SPMIP2: variants seen among roughly 807,000 people sequenced by gnomAD.
The protein encoded by SPMIP2 is sperm microtubule inner protein 2, also known as protein SPMIP2.
At chr4:158,938,438 CT>C in the SPMIP2 span, among the ~76,000 whole-genome samples, 1 of 152,126 alleles carries the variant, frequency 6.6e-6, no homozygotes, top group Non-Finnish European at 1.5e-5. Context: ...TGATTTATTG[CT>C]TTGATTTCAT....
chr4:158,899,663 G>A, the SPMIP2 span, among the ~76,000 whole-genome samples: 1 of 152,162 alleles, frequency 6.6e-6, no homozygotes, highest in African/African-American at 2.4e-5. Flanking sequence ...ATTCTCTGAT[G>A]TTAGTTTGTA....
chr4:159,070,520 G>A, the SPMIP2 span, among the ~76,000 whole-genome samples: 13 of 152,238 alleles, frequency 8.5e-5, no homozygotes, highest in Admixed American at 6.5e-4. Flanking sequence ...AAGTTTTAAT[G>A]CCAGATGATG....
chr4:159,072,070 T>C, the SPMIP2 span, among the ~76,000 whole-genome samples: 2 of 152,232 alleles, frequency 1.3e-5, no homozygotes, highest in African/African-American at 4.8e-5. Context: ...CCCAGCACTT[T>C]GGTAGGCCAA....
chr4:159,060,219 T>C, the SPMIP2 span, among the ~76,000 whole-genome samples: 23 of 152,154 alleles, frequency 1.5e-4, no homozygotes, highest in Non-Finnish European at 3.1e-4. Context: ...ATTGGAACTT[T>C]AGTGAGGAGT....
chr4:158,929,351 A>G, the SPMIP2 span, among the ~76,000 whole-genome samples: 13 of 152,314 alleles, frequency 8.5e-5, no homozygotes, highest in African/African-American at 3.1e-4. Context: ...TGTTTAGTCC[A>G]TTTACATTTA....
At chr4:159,080,833 C>T in the SPMIP2 span, among the ~76,000 whole-genome samples, 1 of 151,944 alleles carries the variant, frequency 6.6e-6, no homozygotes, top group Non-Finnish European at 1.5e-5. Context: ...ACGCCGTTCT[C>T]CTGCCTCAGC....
chr4:158,909,519 G>A, the SPMIP2 span: 7 of 151,366 alleles, frequency 4.6e-5, no homozygotes, highest in African/African-American at 1.5e-4. Flanking sequence ...TCTGTCAGAC[G>A]CTTTCTGTAT....
chr4:158,893,677 C>T, the SPMIP2 span: 4 of 1,583,866 alleles, frequency 2.5e-6, no homozygotes, highest in Non-Finnish European at 3.4e-6. Context: ...CTTCTAAAAG[C>T]AGGTTGAGTT....
the SPMIP2 span, among the ~76,000 whole-genome samples, chr4:159,058,754 A>G: frequency 2.0e-5 from 3 of 152,232 alleles, no homozygotes; most frequent in African/African-American, 4.8e-5. Context: ...ATTTAAAAGC[A>G]TAATTATAAT....
chr4:158,995,855 CAAAAAA>C, the SPMIP2 span, among the ~76,000 whole-genome samples: 5 of 70,750 alleles, frequency 7.1e-5, no homozygotes, highest in East Asian at 4.4e-4. Flanking sequence ...GACTCCATCT[CAAAAAA>C]AAAAAAAAAA....
At chr4:159,052,687 GC>G in the SPMIP2 span, among the ~76,000 whole-genome samples, 1 of 151,162 alleles carries the variant, frequency 6.6e-6, no homozygotes, top group African/African-American at 2.4e-5. Context: ...AGGCTGGAGT[GC>G]AATGGTGCGA....
chr4:159,054,337 C>T, the SPMIP2 span, among the ~76,000 whole-genome samples: 2 of 152,106 alleles, frequency 1.3e-5, no homozygotes, highest in Non-Finnish European at 2.9e-5. Flanking sequence ...ATTATTCCAG[C>T]TCAAGTCTTT....
chr4:159,015,925 C>G, the SPMIP2 span, among the ~76,000 whole-genome samples: 2 of 152,142 alleles, frequency 1.3e-5, no homozygotes, highest in African/African-American at 2.4e-5. Flanking sequence ...TATAATGTAG[C>G]TAAGAAAAGA....
the SPMIP2 span, among the ~76,000 whole-genome samples, chr4:159,037,059 C>A: frequency 3.7e-4 from 57 of 152,264 alleles, no homozygotes; most frequent in Non-Finnish European, 7.2e-4. Flanking sequence ...GAAAGTAATT[C>A]TTTAGTAAAC....
the SPMIP2 span, among the ~76,000 whole-genome samples, chr4:158,924,418 T>G: frequency 6.6e-6 from 1 of 152,228 alleles, no homozygotes; most frequent in Admixed American, 6.5e-5. Flanking sequence ...TTGCTCTTGT[T>G]GCACAGACTG....
chr4:159,060,897 C>T, the SPMIP2 span, among the ~76,000 whole-genome samples: 1 of 151,926 alleles, frequency 6.6e-6, no homozygotes, highest in African/African-American at 2.4e-5. Context: ...CCAGTCTAGG[C>T]AACATGGCAA....
chr4:159,054,246 G>A, the SPMIP2 span, among the ~76,000 whole-genome samples: 2 of 152,122 alleles, frequency 1.3e-5, no homozygotes, highest in South Asian at 4.1e-4. Context: ...ACCTCCCAAA[G>A]TGTTGGGATT....
chr4:159,013,361 T>A, the SPMIP2 span, among the ~76,000 whole-genome samples: 1 of 152,166 alleles, frequency 6.6e-6, no homozygotes, highest in Non-Finnish European at 1.5e-5. Context: ...ATGTATCAGT[T>A]CCCTAGGGCT....
chr4:159,069,709 T>C, the SPMIP2 span, among the ~76,000 whole-genome samples: 2 of 152,198 alleles, frequency 1.3e-5, no homozygotes, highest in African/African-American at 4.8e-5. Flanking sequence ...TTAACATTTT[T>C]CTCATACCCT....
Sources: gnomAD v4.1 joint callset for allele counts (sites outside exome capture counted in the v4.1 genomes callset) on GRCh38, gnomAD v4.1.1 for gene constraint, MANE v1.5 for transcripts, NCBI Gene and HGNC (gene_info 2026-07-23, HGNC 2026-07-21) for gene names.